Variants in LRRC4C observed in about 807,000 individuals in gnomAD.
LRRC4C encodes the protein leucine-rich repeat-containing protein 4C.
LRRC4C carries 5 observed loss-of-function variants against 33.6 expected under a neutral mutation model. The ratio of observed to expected loss-of-function variants is 0.15; its 90% confidence interval spans 0.08 to 0.31. LRRC4C has a LOEUF of 0.31. LRRC4C is among the 10% of genes least tolerant of loss of function. The pLI is 1.00. For missense variants in LRRC4C, 560 were observed against 796.7 expected (o/e 0.70, Z 3.58); for synonymous variants, 329 against 302.0 (o/e 1.09, Z -0.93).
chr11:41,409,263 A>T (rs1446893485), intron 1 of LRRC4C, among the ~76,000 whole-genome samples: 1 of 152,246 alleles, frequency 6.6e-6, no homozygotes, highest in Admixed American at 6.5e-5. Flanking sequence ...GATACCAATT[A>T]AAGTATGGCT....
chr11:40,813,415 G>A (rs73470900), intron 2 of LRRC4C, among the ~76,000 whole-genome samples: 2,959 of 152,156 alleles, frequency 0.019, 51 homozygotes, highest in African/African-American at 0.041. Context: ...GATCTTGTAA[G>A]GCTTATTAAT....
chr11:40,716,048 A>AC (rs1329872439), intron 2 of LRRC4C, among the ~76,000 whole-genome samples: 1 of 65,308 alleles, frequency 1.5e-5, no homozygotes, highest in Non-Finnish European at 3.5e-5. Context: ...ACAAAAACAA[A>AC]CAAAAAAAAA....
At chr11:40,205,195 T>A (rs1158016756) in intron 5 of LRRC4C, among the ~76,000 whole-genome samples, 1 of 152,186 alleles carries the variant, frequency 6.6e-6, no homozygotes, top group African/African-American at 2.4e-5. Context: ...ATATAGTAAC[T>A]CCAGGTATAG....
At chr11:40,607,047 G>A (rs901370849) in intron 3 of LRRC4C, among the ~76,000 whole-genome samples, 2 of 152,052 alleles carry the variant, frequency 1.3e-5, no homozygotes, top group Non-Finnish European at 2.9e-5. Flanking sequence ...AGAAAGAAGT[G>A]GAATTATATA....
At chr11:40,859,605 C>A (rs1249654958) in intron 2 of LRRC4C, among the ~76,000 whole-genome samples, 1 of 151,624 alleles carries the variant, frequency 6.6e-6, no homozygotes, top group Non-Finnish European at 1.5e-5. Context: ...TGCTCTGTAC[C>A]CAAAAGAAAT....
At chr11:40,119,368 C>T (rs1318842472) in intron 6 of LRRC4C, among the ~76,000 whole-genome samples, 1 of 151,906 alleles carries the variant, frequency 6.6e-6, no homozygotes, top group Non-Finnish European at 1.5e-5. Flanking sequence ...CTATTTTTTT[C>T]CCCCAGCCTT....
At chr11:41,372,409 G>T (rs986067373) in intron 1 of LRRC4C, among the ~76,000 whole-genome samples, 1 of 152,186 alleles carries the variant, frequency 6.6e-6, no homozygotes, top group Non-Finnish European at 1.5e-5. Context: ...AAGACTGAAA[G>T]TTAGACAGGT....
chr11:40,585,457 A>G (rs1958680238), intron 3 of LRRC4C, among the ~76,000 whole-genome samples: 1 of 149,976 alleles, frequency 6.7e-6, no homozygotes, highest in Non-Finnish European at 1.5e-5. Context: ...GTGTTTACTG[A>G]AATTTGAATT....
intron 1 of LRRC4C, among the ~76,000 whole-genome samples, chr11:41,132,018 T>A (rs2135843441): frequency 6.6e-6 from 1 of 152,314 alleles, no homozygotes; most frequent in East Asian, 1.9e-4. Context: ...CCTGTGCCAC[T>A]GCTCTGGCTA....
At chr11:40,492,877 C>A (rs112479221) in intron 3 of LRRC4C, among the ~76,000 whole-genome samples, 1 of 151,962 alleles carries the variant, frequency 6.6e-6, no homozygotes, top group East Asian at 1.9e-4. Context: ...ACCCTATAGG[C>A]TTTTGCTAGA....
rs1279511980 is a variant in LRRC4C at position 40,194,891 on chromosome 11, A to T, written c.-96+46628T>A. On this transcript the variant is annotated intron_variant, in intron 5 of 6. Coordinates refer to ENST00000528697, the MANE Select transcript of LRRC4C (RefSeq NM_001258419.2). ...ATCACGAGGTCAGGAGATCCAGACC[A>T]TCCTGGCTAACACGGTGGAACCCCG... Among the ~76,000 whole-genome samples, 3 of 151,724 alleles carry T rather than the reference A, an allele frequency of 2.0e-5. No individual in the cohort carries two copies. The East Asian group carries it at 5.9e-4, about 30-fold the overall frequency.
At position 40,741,012 on chromosome 11, in the gene LRRC4C, T is replaced by C. The variant is rs369859658; in HGVS notation, c.-406-92734A>G. The stretch of plus-strand genomic sequence containing the variant: ...GTTTCTATGCCAGTACCATATTTTT[T>C]ATTATTATATCTTTCTAGAATATTC... On this transcript the variant is annotated intron_variant, in intron 2 of 6. Coordinates refer to ENST00000528697, the MANE Select transcript of LRRC4C (RefSeq NM_001258419.2). 1.8e-4 allele frequency among the ~76,000 whole-genome samples: 28 copies of C among 152,216 alleles called. 1 individual carries two copies. The East Asian group carries it at 5.0e-3, about 27-fold the overall frequency.
intron 5 of LRRC4C, among the ~76,000 whole-genome samples, chr11:40,199,963 G>A (rs1202328922): frequency 6.6e-6 from 1 of 151,934 alleles, no homozygotes; most frequent in African/African-American, 2.4e-5. Context: ...TATAAATGCT[G>A]GAGAAAACTC....
At chr11:40,658,334 T>C in intron 2 of LRRC4C, among the ~76,000 whole-genome samples, 1 of 152,206 alleles carries the variant, frequency 6.6e-6, no homozygotes. Flanking sequence ...ATACTAAGGC[T>C]CACTAATAGT....
intron 6 of LRRC4C, among the ~76,000 whole-genome samples, chr11:40,140,317 G>T (rs560907051): frequency 1.3e-5 from 2 of 152,260 alleles, no homozygotes; most frequent in East Asian, 3.9e-4. Flanking sequence ...GCTACAGAAG[G>T]TAAATACGTT....
At chr11:41,442,308 C>T (rs1010036059) in intron 1 of LRRC4C, among the ~76,000 whole-genome samples, 2 of 151,884 alleles carry the variant, frequency 1.3e-5, no homozygotes, top group Non-Finnish European at 2.9e-5. Context: ...ATATACATTG[C>T]TACCAAAAAC....
intron 3 of LRRC4C, among the ~76,000 whole-genome samples, chr11:40,411,538 T>C (rs2137644090): frequency 6.6e-6 from 1 of 152,190 alleles, no homozygotes; most frequent in East Asian, 1.9e-4. Context: ...TATTCTTTCT[T>C]TCCTAACTGT....
At chr11:41,256,278 G>A (rs1334103054) in intron 1 of LRRC4C, among the ~76,000 whole-genome samples, 29 of 151,780 alleles carry the variant, frequency 1.9e-4, no homozygotes, top group Admixed American at 1.9e-3. Flanking sequence ...ATCCATCCAG[G>A]AAAATGAGCA....
At chr11:40,408,643 GC>G (rs1165588546) in intron 3 of LRRC4C, among the ~76,000 whole-genome samples, 2 of 151,774 alleles carry the variant, frequency 1.3e-5, no homozygotes, top group Non-Finnish European at 2.9e-5. Context: ...GTTTTTATAT[GC>G]CCCAAAATGG....
Sources: allele counts gnomAD v4.1 joint callset (sites outside exome capture counted in the v4.1 genomes callset), GRCh38; gene constraint gnomAD v4.1.1; transcripts MANE v1.5; gene names NCBI Gene and HGNC (gene_info 2026-07-23, HGNC 2026-07-21).